MTHFD1L: variants seen among roughly 807,000 people sequenced by gnomAD.
MTHFD1L encodes the protein methylenetetrahydrofolate dehydrogenase (NADP+ dependent) 1 like.
MTHFD1L carries 81 observed loss-of-function variants against 119.5 expected under a neutral mutation model. That is an observed-to-expected ratio of 0.68 (90% CI 0.57 to 0.82). MTHFD1L has a LOEUF of 0.82. Ranked by LOEUF, MTHFD1L falls within the 40% of genes least tolerant of loss-of-function variation. The pLI, the probability that MTHFD1L is intolerant of heterozygous loss-of-function variation, is 0.00. For synonymous variants in MTHFD1L, 430 were observed against 475.2 expected (o/e 0.90, Z 1.24); for missense variants, 1,125 against 1,253.4 (o/e 0.90, Z 1.55).
intron 2 of MTHFD1L, among the ~76,000 whole-genome samples, chr6:150,876,932 A>G (rs1381184783): frequency 6.6e-6 from 1 of 152,222 alleles, no homozygotes; most frequent in African/African-American, 2.4e-5. Flanking sequence ...TGTTACAAAG[A>G]AAGACAAGTT....
intron 20 of MTHFD1L, among the ~76,000 whole-genome samples, chr6:151,000,772 A>G (rs1311224103): frequency 9.2e-5 from 14 of 152,166 alleles, no homozygotes; most frequent in Admixed American, 8.5e-4. Flanking sequence ...CTGCCATTGA[A>G]TAAACATGTT....
chr6:150,894,957 G>A (rs910222014), intron 7 of MTHFD1L, among the ~76,000 whole-genome samples: 5 of 152,320 alleles, frequency 3.3e-5, no homozygotes, highest in Admixed American at 1.3e-4. Flanking sequence ...TTGGAGATGC[G>A]TTGAGCATTT....
At chr6:150,984,000 G>A (rs1469055189) in intron 20 of MTHFD1L, among the ~76,000 whole-genome samples, 2 of 152,060 alleles carry the variant, frequency 1.3e-5, no homozygotes, top group Non-Finnish European at 2.9e-5. Flanking sequence ...TTAAACTCCT[G>A]AGCTCAAGTG....
At chr6:150,944,939 A>C in intron 14 of MTHFD1L, among the ~76,000 whole-genome samples, 1 of 152,238 alleles carries the variant, frequency 6.6e-6, no homozygotes, top group East Asian at 1.9e-4. Context: ...GGGATTGGAC[A>C]GATGTCGTTT....
At chr6:151,082,217 CAT>C (rs1562640461) in intron 26 of MTHFD1L, among the ~76,000 whole-genome samples, 1 of 152,164 alleles carries the variant, frequency 6.6e-6, no homozygotes, top group Non-Finnish European at 1.5e-5. Context: ...GAATATGACA[CAT>C]GAGGAATGGA....
At chr6:151,031,306 C>T (rs1488117525) in intron 24 of MTHFD1L, among the ~76,000 whole-genome samples, 1 of 152,234 alleles carries the variant, frequency 6.6e-6, no homozygotes, top group Non-Finnish European at 1.5e-5. Flanking sequence ...ATTTCAGTGT[C>T]AGTGTGGTGC....
chr6:151,047,570 G>A (rs1169671188), intron 26 of MTHFD1L, among the ~76,000 whole-genome samples: 1 of 152,174 alleles, frequency 6.6e-6, no homozygotes, highest in Non-Finnish European at 1.5e-5. Flanking sequence ...CATTTGTAAT[G>A]AAGGTACCGT....
Position 150,868,896 on chromosome 6 carries a change from T to C in MTHFD1L, c.227+2847T>C, listed in dbSNP as rs142713490. Among the ~76,000 whole-genome samples, 1,044 of 152,190 alleles carry C rather than the reference T, an allele frequency of 6.9e-3. 5 individuals carry two copies. Among genetic ancestry groups the C allele is most frequent in the Non-Finnish European group, 0.01 (703 of 68,000 alleles). Reference sequence around the variant, plus strand: ...GGCAACATAGTGAGACACCCATCTCTGTAAAAAATTTTAAAAAATTAACTG... The same window carrying C: ...GGCAACATAGTGAGACACCCATCTCCGTAAAAAATTTTAAAAAATTAACTG... On this transcript the variant is annotated intron_variant, in intron 1 of 27. Transcript: ENST00000367321.
At chr6:151,081,523 A>G (rs1051620251) in intron 26 of MTHFD1L, among the ~76,000 whole-genome samples, 3 of 131,944 alleles carry the variant, frequency 2.3e-5, no homozygotes, top group Non-Finnish European at 4.9e-5. Flanking sequence ...AAAAAAAAAA[A>G]TAGCCAGGCA....
At chr6:151,061,369 A>T (rs1467164691) in intron 26 of MTHFD1L, among the ~76,000 whole-genome samples, 2 of 152,102 alleles carry the variant, frequency 1.3e-5, no homozygotes, top group Admixed American at 1.3e-4. Context: ...CTCATTAGAG[A>T]CTCAGTCCCC....
chr6:150,992,998 A>G (rs1779258939), intron 20 of MTHFD1L, among the ~76,000 whole-genome samples: 3 of 152,122 alleles, frequency 2.0e-5, no homozygotes, highest in Admixed American at 1.3e-4. Flanking sequence ...TGAGGTTTTA[A>G]ATTTTTTCGT....
At chr6:151,019,076 T>C (rs1366503486) in intron 24 of MTHFD1L, among the ~76,000 whole-genome samples, 22 of 152,206 alleles carry the variant, frequency 1.4e-4, no homozygotes, top group Admixed American at 1.4e-3. Flanking sequence ...AGATGGCAGG[T>C]GGCCAAGGAG....
At chr6:151,090,021 G>A (rs1794231388) in intron 26 of MTHFD1L, among the ~76,000 whole-genome samples, 1 of 152,238 alleles carries the variant, frequency 6.6e-6, no homozygotes, top group African/African-American at 2.4e-5. Context: ...ATTCCAGGCA[G>A]CTGTGGAAGC....
intron 11 of MTHFD1L, among the ~76,000 whole-genome samples, chr6:150,930,006 A>G (rs1472857675): frequency 9.2e-5 from 14 of 152,296 alleles, no homozygotes; most frequent in Non-Finnish European, 4.4e-5. Context: ...TCTCCCCAAC[A>G]CAACAAATGA....
intron 1 of MTHFD1L, among the ~76,000 whole-genome samples, chr6:150,868,629 G>T (rs1480916863): frequency 3.3e-5 from 5 of 152,086 alleles, no homozygotes; most frequent in African/African-American, 9.7e-5. Context: ...GAGCTACCAT[G>T]CCCAGCAATA....
rs530844495 is a variant in MTHFD1L, at chr6:151,053,876, A to T, written c.2847+16759A>T. On this transcript the variant is annotated intron_variant, in intron 26 of 27. Transcript: ENST00000367321. ...CTCCATCTCAAAAAAAAAAAAAAAA[A>T]TGCTTATCATTGCACAGATAGCTGT... 2.6e-5 allele frequency among the ~76,000 whole-genome samples: 4 copies of T among 151,518 alleles called. No individual in the cohort carries two copies. In the South Asian group the frequency reaches 6.3e-4, roughly 24 times the overall value.
chr6:150,872,265 GCTAA>G (rs1297977689), intron 1 of MTHFD1L, among the ~76,000 whole-genome samples: 1 of 152,066 alleles, frequency 6.6e-6, no homozygotes, highest in African/African-American at 2.4e-5. Context: ...TCACAGCTTG[GCTAA>G]CTGTTTGGCT....
At chr6:150,875,990 T>G (rs1780376040) in intron 1 of MTHFD1L, 100 bp from the exon 2 acceptor site, 1 of 946,500 alleles carries the variant, frequency 1.1e-6, no homozygotes, top group South Asian at 1.5e-5. Context: ...GGTCTAGTTA[T>G]TTTCACTTGG....
At chr6:150,913,545 A>G (rs1787318006) in intron 8 of MTHFD1L, among the ~76,000 whole-genome samples, 1 of 152,086 alleles carries the variant, frequency 6.6e-6, no homozygotes, top group African/African-American at 2.4e-5. Flanking sequence ...GACTTAAGCA[A>G]TCCTCCTGCC....
Sources: allele counts gnomAD v4.1 joint callset (sites outside exome capture counted in the v4.1 genomes callset), GRCh38; gene constraint gnomAD v4.1.1; transcripts MANE v1.5; gene names NCBI Gene and HGNC (gene_info 2026-07-23, HGNC 2026-07-21).